GAS2: variants seen among roughly 807,000 people sequenced by gnomAD.
GAS2 encodes growth arrest-specific protein 2.
GAS2 carries 20 observed loss-of-function variants against 37.5 expected under a neutral mutation model. That is an observed-to-expected ratio of 0.53 (90% CI 0.37 to 0.77). GAS2 has a LOEUF of 0.77. GAS2 is among the 30% of genes least tolerant of loss of function. GAS2 has a pLI of 0.00. For synonymous variants in GAS2, 144 were observed against 132.2 expected (o/e 1.09, Z -0.61); for missense variants, 336 against 373.4 (o/e 0.90, Z 0.82).
intron 3 of GAS2, among the ~76,000 whole-genome samples, chr11:22,709,975 A>T (rs1851315062): frequency 7.0e-6 from 1 of 142,280 alleles, no homozygotes; most frequent in South Asian, 2.5e-4. Flanking sequence ...GAACACATAG[A>T]CACAGGAAGG....
At chr11:22,753,313 C>T (rs1189578633) in intron 6 of GAS2, among the ~76,000 whole-genome samples, 4 of 152,054 alleles carry the variant, frequency 2.6e-5, no homozygotes, top group Non-Finnish European at 5.9e-5. Flanking sequence ...TCTGCTTCCA[C>T]CTCTCATACA....
At chr11:22,767,157 A>G (rs1307320530) in intron 7 of GAS2, among the ~76,000 whole-genome samples, 1 of 152,140 alleles carries the variant, frequency 6.6e-6, no homozygotes, top group Non-Finnish European at 1.5e-5. Flanking sequence ...TAGCTTAATT[A>G]TTACTGTATG....
intron 6 of GAS2, 102 bp downstream of exon 6, chr11:22,749,363 A>G (rs1355195121): frequency 7.4e-6 from 8 of 1,081,408 alleles, no homozygotes; most frequent in Non-Finnish European, 7.8e-6. Context: ...ACCTATATCA[A>G]TTTTCTTGAA....
At chr11:22,681,982 G>A (rs1849703479) in intron 2 of GAS2, among the ~76,000 whole-genome samples, 1 of 151,670 alleles carries the variant, frequency 6.6e-6, no homozygotes, top group Non-Finnish European at 1.5e-5. Flanking sequence ...TTAATCATTG[G>A]AAGGAAAATA....
chr11:22,717,477 A>G (rs752807649), intron 3 of GAS2, among the ~76,000 whole-genome samples: 3 of 152,100 alleles, frequency 2.0e-5, no homozygotes, highest in Non-Finnish European at 4.4e-5. Context: ...TCTGTCTCTC[A>G]CCTTACATAA....
intron 4 of GAS2, among the ~76,000 whole-genome samples, chr11:22,727,276 T>G (rs554450193): frequency 1.6e-4 from 25 of 152,150 alleles, no homozygotes; most frequent in African/African-American, 5.8e-4. Flanking sequence ...AGAAAAAAAC[T>G]TCGCTTTCTT....
At chr11:22,636,311 A>C (rs977891781) in intron 1 of GAS2, among the ~76,000 whole-genome samples, 4 of 152,184 alleles carry the variant, frequency 2.6e-5, no homozygotes, top group Admixed American at 2.0e-4. Flanking sequence ...TAGGCAACAC[A>C]AACAACTAAG....
At chr11:22,645,493 T>C (rs1848678005) in intron 1 of GAS2, among the ~76,000 whole-genome samples, 1 of 151,458 alleles carries the variant, frequency 6.6e-6, no homozygotes, top group Non-Finnish European at 1.5e-5. Context: ...GGTGACAGAG[T>C]GACTGTCTTA....
At chr11:22,646,987 A>G (rs1349960733) in intron 1 of GAS2, among the ~76,000 whole-genome samples, 2 of 151,184 alleles carry the variant, frequency 1.3e-5, no homozygotes, top group Admixed American at 6.6e-5. Flanking sequence ...TTAGTTACAT[A>G]TGTATACATG....
intron 1 of GAS2, among the ~76,000 whole-genome samples, chr11:22,631,912 G>A (rs527400510): frequency 2.6e-3 from 371 of 144,974 alleles, no homozygotes; most frequent in Non-Finnish European, 4.4e-3. Flanking sequence ...TGAATGTCTC[G>A]TAAAATTTGG....
At chr11:22,795,972 A>G (rs891397562) in intron 7 of GAS2, among the ~76,000 whole-genome samples, 4 of 152,168 alleles carry the variant, frequency 2.6e-5, no homozygotes, top group African/African-American at 9.6e-5. Context: ...TTTTACTGTG[A>G]AAATTTTCAT....
At chr11:22,703,157 G>A (rs1003193661) in intron 3 of GAS2, among the ~76,000 whole-genome samples, 3 of 152,082 alleles carry the variant, frequency 2.0e-5, no homozygotes, top group Non-Finnish European at 4.4e-5. Flanking sequence ...TAGCACCAGC[G>A]CAGTGTTGTC....
intron 4 of GAS2, among the ~76,000 whole-genome samples, chr11:22,728,655 G>A (rs895504171): frequency 3.3e-5 from 5 of 151,852 alleles, no homozygotes; most frequent in Admixed American, 2.0e-4. Context: ...TCCAGTTGCT[G>A]CTTAATGAAA....
chr11:22,663,534 A>G (rs1046970180), upstream of GAS2, among the ~76,000 whole-genome samples: 6 of 152,206 alleles, frequency 3.9e-5, no homozygotes, highest in African/African-American at 1.4e-4. Context: ...ACCTAACACA[A>G]TTTGCCAGAA....
chr11:22,748,156 T>A (rs1355289519), intron 5 of GAS2, among the ~76,000 whole-genome samples: 1 of 152,084 alleles, frequency 6.6e-6, no homozygotes, highest in African/African-American at 2.4e-5. Flanking sequence ...TCCAAGTGAC[T>A]TTTCCCCTCC....
intron 6 of GAS2, among the ~76,000 whole-genome samples, chr11:22,754,772 A>C (rs1008745684): frequency 4.6e-5 from 7 of 152,140 alleles, no homozygotes; most frequent in Admixed American, 2.6e-4. Flanking sequence ...AAAGTCAAAA[A>C]TCGAATTATT....
At chr11:22,637,731 ATAAT>A (rs1456245554) in intron 1 of GAS2, among the ~76,000 whole-genome samples, 6 of 142,166 alleles carry the variant, frequency 4.2e-5, no homozygotes, top group African/African-American at 1.6e-4. Context: ...TATAGTAATA[ATAAT>A]TATTTATATT....
chr11:22,633,022 C>G (rs1348247072), intron 1 of GAS2, among the ~76,000 whole-genome samples: 8 of 151,798 alleles, frequency 5.3e-5, no homozygotes, highest in Admixed American at 5.2e-4. Flanking sequence ...CCTTGAGGAA[C>G]TTAATAATCA....
At chr11:22,634,514 A>G (rs1270577219) in intron 1 of GAS2, among the ~76,000 whole-genome samples, 1 of 152,142 alleles carries the variant, frequency 6.6e-6, no homozygotes, top group Non-Finnish European at 1.5e-5. Context: ...ACTCCCCACA[A>G]ATAGACAGTT....
Sources: allele counts gnomAD v4.1 joint callset (sites outside exome capture counted in the v4.1 genomes callset), GRCh38; gene constraint gnomAD v4.1.1; transcripts MANE v1.5; gene names NCBI Gene and HGNC (gene_info 2026-07-23, HGNC 2026-07-21).